The following PLLP variants were observed in gnomAD, a reference collection of about 807,000 sequenced individuals.
PLLP encodes the protein plasma membrane proteolipid (plasmolipin).
In PLLP, 15 loss-of-function variants were observed where a neutral mutation model predicts 19.7. That is an observed-to-expected ratio of 0.76 (90% CI 0.51 to 1.17). The LOEUF (loss-of-function observed/expected upper bound fraction) is 1.17. Among genes scored for constraint, PLLP ranks in the 50% most tolerant of loss-of-function variants. PLLP has a pLI of 0.00. For missense variants in PLLP, 255 were observed against 258.3 expected (o/e 0.99, Z 0.09); for synonymous variants, 111 against 116.3 (o/e 0.95, Z 0.29).
At chr16:57,270,350 G>A (rs530581170) in intron 1 of PLLP, among the ~76,000 whole-genome samples, 108 of 99,704 alleles carry the variant, frequency 1.1e-3, no homozygotes, top group Middle Eastern at 5.6e-3. Context: ...CACAGCCCCC[G>A]AGTCCTTCCC....
At chr16:57,268,401 T>C (rs1319612870) in intron 1 of PLLP, among the ~76,000 whole-genome samples, 3 of 152,242 alleles carry the variant, frequency 2.0e-5, no homozygotes, top group African/African-American at 7.2e-5. Context: ...CTTAACTAGC[T>C]GTGTGACCTC....
intron 2 of PLLP, among the ~76,000 whole-genome samples, chr16:57,261,002 T>C (rs778180729): frequency 6.6e-6 from 1 of 152,208 alleles, no homozygotes; most frequent in Non-Finnish European, 1.5e-5. Flanking sequence ...GAAATTTTTT[T>C]TTTGAGGTGG....
chr16:57,268,705 C>T (rs2075465215), intron 1 of PLLP, among the ~76,000 whole-genome samples: 1 of 152,150 alleles, frequency 6.6e-6, no homozygotes, highest in South Asian at 2.1e-4. Flanking sequence ...CCAGGCTAGT[C>T]TAGAACTCCT....
intron 1 of PLLP, among the ~76,000 whole-genome samples, chr16:57,275,239 G>A (rs1226328223): frequency 1.3e-5 from 2 of 151,958 alleles, no homozygotes; most frequent in African/African-American, 4.8e-5. Flanking sequence ...CCTGGAGATT[G>A]TCCATCCTTA....
chr16:57,281,990 G>A (rs1901225104), intron 1 of PLLP, among the ~76,000 whole-genome samples: 2 of 152,148 alleles, frequency 1.3e-5, no homozygotes, highest in Non-Finnish European at 2.9e-5. Context: ...CTCCTGGCAA[G>A]TCCTTCTAAC....
chr16:57,284,295 G>A (rs773295299), intron 1 of PLLP, 111 bp downstream of exon 1: 8 of 998,016 alleles, frequency 8.0e-6, no homozygotes, highest in South Asian at 2.6e-5. Flanking sequence ...GTGTGAGCCC[G>A]GGTGGGGAGC....
At chr16:57,272,286 GAT>G (rs1335015060) in intron 1 of PLLP, among the ~76,000 whole-genome samples, 1 of 152,214 alleles carries the variant, frequency 6.6e-6, no homozygotes, top group Non-Finnish European at 1.5e-5. Flanking sequence ...TGTCACCCAG[GAT>G]GTGGGGACAT....
intron 1 of PLLP, among the ~76,000 whole-genome samples, chr16:57,268,560 A>G (rs961144965): frequency 1.6e-4 from 24 of 152,152 alleles, no homozygotes; most frequent in African/African-American, 5.6e-4. Context: ...GCACTATTGC[A>G]GCTCACTGCA....
In PLLP at chr16:57,284,482, T is replaced by C; in HGVS notation, c.59A>G (p.Glu20Gly). 1.4e-6 allele frequency: 2 copies of C among 1,440,524 alleles called. No individual in the cohort carries two copies. Among genetic ancestry groups the C allele is most frequent in the Non-Finnish European group, 9.2e-7 (1 of 1,092,338 alleles). The allele number at this position is 1,440,524 out of a possible 1,614,324, so 89.2% of individuals were successfully genotyped here. Residue 20 changes from glutamate (E) to glycine (G), a missense_variant, in exon 1 of 4, where the codon GAA becomes GGA. By Grantham distance (98) the Glu-to-Gly change is moderately conservative (BLOSUM62 -2). Transcript: ENST00000219207. ...CGGGCGCAGCGCCGACACCGAGGCT[T>C]CGGCGCCCTGCGCAGGACTGCTGGT... ...TRTSSPAQGA[E>G]ASVSALRPDL...
At chr16:57,283,108 C>T (rs7197160) in intron 1 of PLLP, among the ~76,000 whole-genome samples, 48,018 of 151,982 alleles carry the variant, frequency 0.32, 7,796 homozygotes, top group East Asian at 0.44. Flanking sequence ...CCCCACCCCC[C>T]AAAAGAGAAA....
intron 1 of PLLP, among the ~76,000 whole-genome samples, chr16:57,264,848 A>G (rs2146441379): frequency 6.6e-6 from 1 of 152,336 alleles, no homozygotes; most frequent in African/African-American, 2.4e-5. Context: ...CCCTGTCTCA[A>G]AATAAACGAA....
chr16:57,264,537 C>A (rs2075451164), intron 1 of PLLP, among the ~76,000 whole-genome samples: 1 of 152,218 alleles, frequency 6.6e-6, no homozygotes, highest in Admixed American at 6.5e-5. Context: ...TGCACAGGCA[C>A]CGTGTATTAA....
At chr16:57,277,674 C>T (rs1486267481) in intron 1 of PLLP, among the ~76,000 whole-genome samples, 1 of 152,110 alleles carries the variant, frequency 6.6e-6, no homozygotes, top group Non-Finnish European at 1.5e-5. Flanking sequence ...TGCACTGATA[C>T]AGAATATCCC....
At chr16:57,262,146 G>T in intron 1 of PLLP, 76 bp from the exon 2 acceptor site, 1 of 1,425,846 alleles carries the variant, frequency 7.0e-7, no homozygotes, top group Non-Finnish European at 9.8e-7. Flanking sequence ...TACTGGCCAG[G>T]CACAGTGGCT....
chr16:57,280,893 G>T (rs555484375), intron 1 of PLLP, among the ~76,000 whole-genome samples: 2 of 152,300 alleles, frequency 1.3e-5, no homozygotes, highest in Non-Finnish European at 2.9e-5. Context: ...TTCTGATACC[G>T]AATGAAAAGT....
intron 1 of PLLP, among the ~76,000 whole-genome samples, chr16:57,270,442 T>G (rs1342416589): frequency 1.3e-5 from 2 of 150,686 alleles, no homozygotes; most frequent in Non-Finnish European, 3.0e-5. Context: ...CTATTCCCAC[T>G]GCTCCATCCA....
intron 3 of PLLP, among the ~76,000 whole-genome samples, chr16:57,257,745 G>A (rs1220304274): frequency 6.6e-6 from 1 of 152,206 alleles, no homozygotes; most frequent in Non-Finnish European, 1.5e-5. Flanking sequence ...TCATGGGAGA[G>A]CCTATGAATC....
At chr16:57,260,818 G>A (rs1889846025) in intron 2 of PLLP, among the ~76,000 whole-genome samples, 1 of 152,170 alleles carries the variant, frequency 6.6e-6, no homozygotes, top group Non-Finnish European at 1.5e-5. Context: ...CAGGCCTCAG[G>A]GCCTCACCTG....
At chr16:57,258,695 A>C in intron 2 of PLLP, 111 bp from the exon 3 acceptor site, 2 of 1,069,184 alleles carry the variant, frequency 1.9e-6, no homozygotes, top group South Asian at 2.7e-5. Context: ...GCTGAAGTGG[A>C]AGGATCGCTT....
Sources: allele counts gnomAD v4.1 joint callset (sites outside exome capture counted in the v4.1 genomes callset), GRCh38; gene constraint gnomAD v4.1.1; transcripts MANE v1.5; gene names NCBI Gene and HGNC (gene_info 2026-07-23, HGNC 2026-07-21).